DOCK3: variants seen among roughly 807,000 people sequenced by gnomAD.
DOCK3 encodes the protein dedicator of cytokinesis 3.
DOCK3 carries 60 observed loss-of-function variants against 265.6 expected under a neutral mutation model. That is an observed-to-expected ratio of 0.23 (90% CI 0.18 to 0.28). DOCK3 has a LOEUF of 0.28. Among genes scored for constraint, DOCK3 ranks in the 10% least tolerant of loss-of-function variants. The pLI is 1.00. For synonymous variants in DOCK3, 881 were observed against 938.0 expected (o/e 0.94, Z 1.11); for missense variants, 1,981 against 2,594.3 (o/e 0.76, Z 5.14).
chr3:50,929,160 A>C (rs1327746224), intron 4 of DOCK3, among the ~76,000 whole-genome samples: 2 of 152,214 alleles, frequency 1.3e-5, no homozygotes, highest in East Asian at 1.9e-4. Flanking sequence ...TAGAGTCTTC[A>C]TGTGTTGCAG....
chr3:51,189,991 T>C (rs2087846376), intron 12 of DOCK3, among the ~76,000 whole-genome samples: 1 of 152,184 alleles, frequency 6.6e-6, no homozygotes, highest in African/African-American at 2.4e-5. Context: ...GGGGAAAAGA[T>C]ATATCCTTCT....
intron 6 of DOCK3, among the ~76,000 whole-genome samples, chr3:51,068,624 A>G (rs2081717396): frequency 6.6e-5 from 10 of 150,982 alleles, no homozygotes; most frequent in Admixed American, 6.6e-4. Flanking sequence ...CATTGAGGAA[A>G]CCTAGGCTCA....
intron 49 of DOCK3, 143 bp downstream of exon 49, chr3:51,362,817 C>T (rs569731883): frequency 1.1e-4 from 143 of 1,263,120 alleles, no homozygotes; most frequent in Non-Finnish European, 1.5e-4. Context: ...ACTAAGGACT[C>T]GAGAGTTCCT....
intron 28 of DOCK3, among the ~76,000 whole-genome samples, chr3:51,310,604 A>G (rs1383325419): frequency 6.6e-6 from 1 of 152,232 alleles, no homozygotes; most frequent in Non-Finnish European, 1.5e-5. Flanking sequence ...CTGCTGCCCT[A>G]TAGGTTTGGG....
intron 12 of DOCK3, among the ~76,000 whole-genome samples, chr3:51,175,816 T>C (rs904165301): frequency 2.6e-5 from 4 of 152,210 alleles, no homozygotes; most frequent in African/African-American, 9.7e-5. Flanking sequence ...AAGTACTGCT[T>C]CCTACTTATA....
chr3:51,008,736 A>T (rs2078796286), intron 5 of DOCK3, among the ~76,000 whole-genome samples: 1 of 152,172 alleles, frequency 6.6e-6, no homozygotes, highest in South Asian at 2.1e-4. Context: ...CCCATTCAGT[A>T]TGATATTGGC....
At chr3:50,739,990 A>T (rs1377997202) in intron 1 of DOCK3, among the ~76,000 whole-genome samples, 1 of 152,004 alleles carries the variant, frequency 6.6e-6, no homozygotes, top group Non-Finnish European at 1.5e-5. Context: ...CCTCTTTTTA[A>T]TCCTACTCTT....
At chr3:51,153,246 C>T (rs756667926) in intron 10 of DOCK3, among the ~76,000 whole-genome samples, 1 of 152,184 alleles carries the variant, frequency 6.6e-6, no homozygotes, top group South Asian at 2.1e-4. Flanking sequence ...CCTCGCAGGT[C>T]GATCTTAGAC....
intron 12 of DOCK3, among the ~76,000 whole-genome samples, chr3:51,185,947 G>A (rs1415976404): frequency 6.6e-6 from 1 of 152,164 alleles, no homozygotes; most frequent in Non-Finnish European, 1.5e-5. Flanking sequence ...TTTTGGGTAT[G>A]TCTTTGTCAG....
chr3:50,710,738 A>G (rs1234445047), intron 1 of DOCK3, among the ~76,000 whole-genome samples: 1 of 152,256 alleles, frequency 6.6e-6, no homozygotes, highest in Non-Finnish European at 1.5e-5. Flanking sequence ...TTGCAATTGC[A>G]AAAATAAGGA....
intron 27 of DOCK3, among the ~76,000 whole-genome samples, chr3:51,306,034 T>TA (rs1241088122): frequency 5.4e-5 from 8 of 146,994 alleles, no homozygotes; most frequent in South Asian, 4.3e-4. Flanking sequence ...TTTTTTTTTT[T>TA]AAATTTATTG....
intron 5 of DOCK3, among the ~76,000 whole-genome samples, chr3:50,971,145 A>G (rs2077222858): frequency 6.6e-6 from 1 of 150,618 alleles, no homozygotes; most frequent in Admixed American, 6.6e-5. Flanking sequence ...GAGATTATTT[A>G]AAATCAGTTT....
At chr3:51,325,241 G>A (rs1274780611) in intron 32 of DOCK3, among the ~76,000 whole-genome samples, 1 of 151,978 alleles carries the variant, frequency 6.6e-6, no homozygotes. Flanking sequence ...CTATCAAAAG[G>A]TGAGCAAAGA....
At chr3:50,747,386 A>T (rs750487467) in intron 1 of DOCK3, among the ~76,000 whole-genome samples, 1 of 152,204 alleles carries the variant, frequency 6.6e-6, no homozygotes, top group Admixed American at 6.5e-5. Context: ...TCTATTGATT[A>T]ATTTGGAGAG....
intron 10 of DOCK3, among the ~76,000 whole-genome samples, chr3:51,150,931 G>T (rs148160557): frequency 1.3e-5 from 2 of 152,204 alleles, no homozygotes; most frequent in African/African-American, 4.8e-5. Flanking sequence ...AATGTTGACA[G>T]TGGGGTGTTA....
chr3:50,908,273 G>A (rs1031629275), intron 4 of DOCK3, among the ~76,000 whole-genome samples: 8 of 139,942 alleles, frequency 5.7e-5, no homozygotes, highest in African/African-American at 1.9e-4. Flanking sequence ...CTAGCTTTGT[G>A]GTTTCTTTGC....
intron 6 of DOCK3, 99 bp from the exon 7 acceptor site, chr3:51,075,257 C>G (rs1314090435): frequency 8.8e-6 from 8 of 912,886 alleles, no homozygotes; most frequent in Non-Finnish European, 1.0e-5. Context: ...GTCTGATCCT[C>G]TGTCCACAAG....
At chr3:50,745,371 T>C (rs982388793) in intron 1 of DOCK3, among the ~76,000 whole-genome samples, 3 of 152,164 alleles carry the variant, frequency 2.0e-5, no homozygotes, top group Middle Eastern at 3.2e-3. Context: ...AGGGGTTGCA[T>C]TGAATCTGTA....
At chr3:50,858,060 A>G (rs2046699128) in intron 3 of DOCK3, among the ~76,000 whole-genome samples, 1 of 152,250 alleles carries the variant, frequency 6.6e-6, no homozygotes, top group South Asian at 2.1e-4. Flanking sequence ...TGAATTAAGA[A>G]TATGTGGCAC....
Sources: allele counts gnomAD v4.1 joint callset (sites outside exome capture counted in the v4.1 genomes callset), GRCh38; gene constraint gnomAD v4.1.1; transcripts MANE v1.5; gene names NCBI Gene and HGNC (gene_info 2026-07-23, HGNC 2026-07-21).